ARHGAP44: variants seen among roughly 807,000 people sequenced by gnomAD.
ARHGAP44 encodes the protein rho GTPase-activating protein 44.
Under a neutral mutation model 106.8 loss-of-function variants are expected in ARHGAP44, and 43 were observed. The observed-to-expected ratio is 0.40, with a 90% CI of 0.32 to 0.52. ARHGAP44 has a LOEUF of 0.52. ARHGAP44 is among the 20% of genes least tolerant of loss of function. The pLI is 0.48. For missense variants in ARHGAP44, 866 were observed against 1,050.5 expected, an observed-to-expected ratio of 0.82 and a Z score of 2.43; for synonymous variants, 439 against 410.3, an observed-to-expected ratio of 1.07 and a Z score of -0.85.
At chr17:12,948,321 C>G (rs139857030) in intron 10 of ARHGAP44, among the ~76,000 whole-genome samples, 4 of 152,326 alleles carry the variant, frequency 2.6e-5, no homozygotes, top group African/African-American at 7.2e-5. Flanking sequence ...GAGGCTACCT[C>G]ACAAACCACC....
At chr17:12,920,151 G>A (rs57071648) in intron 6 of ARHGAP44, among the ~76,000 whole-genome samples, 33,171 of 151,780 alleles carry the variant, frequency 0.22, 6,179 homozygotes, top group African/African-American at 0.5. Flanking sequence ...CAAGGCGGGC[G>A]GATCACAAGG....
chr17:12,931,268 C>T (rs899640239), intron 7 of ARHGAP44, among the ~76,000 whole-genome samples: 7 of 151,734 alleles, frequency 4.6e-5, no homozygotes, highest in African/African-American at 9.7e-5. Flanking sequence ...GACAGGGTTT[C>T]GCCGTGTTGG....
At chr17:12,827,518 C>G (rs2034955510) in intron 1 of ARHGAP44, among the ~76,000 whole-genome samples, 1 of 152,062 alleles carries the variant, frequency 6.6e-6, no homozygotes, top group South Asian at 2.1e-4. Context: ...TCCAGTAATG[C>G]CCACATAATA....
rs1411682745 is a variant in ARHGAP44 at position 12,949,085 on chromosome 17, G to A, written c.862-55G>A. 27 of 1,497,338 alleles carry A rather than the reference G, an allele frequency of 1.8e-5. No homozygotes were observed. The highest frequency in any genetic ancestry group is 2.8e-5 in the African/African-American group (2 of 71,998). 92.8% of individuals were successfully genotyped at this position (1,497,338 alleles called of 1,614,324 possible). ...AAGCAGGCAGTTGCGGGGTCTCTGC[G>A]CTTTGATGTTGTACCTTGGAGTTGC... is the stretch of plus-strand genomic sequence containing the variant. On this transcript the variant is annotated intron_variant, in intron 10 of 20. Transcript: ENST00000379672. This position sits in a 1 kb window ranked among gnomAD's most constrained non-coding sequence, Gnocchi z 4.1.
intron 16 of ARHGAP44, among the ~76,000 whole-genome samples, chr17:12,967,209 G>A (rs1194730868): frequency 6.8e-6 from 1 of 147,364 alleles, no homozygotes; most frequent in East Asian, 2.0e-4. Context: ...GTTAAACTTC[G>A]GGGTGTGAAT....
At chr17:12,899,427 A>G (rs2037307782) in intron 3 of ARHGAP44, among the ~76,000 whole-genome samples, 1 of 152,092 alleles carries the variant, frequency 6.6e-6, no homozygotes, top group East Asian at 1.9e-4. Flanking sequence ...TCCAAACTCA[A>G]TTTTTTTCAG....
intron 6 of ARHGAP44, among the ~76,000 whole-genome samples, chr17:12,923,761 C>T (rs1238366248): frequency 1.3e-5 from 2 of 152,120 alleles, no homozygotes; most frequent in Non-Finnish European, 2.9e-5. Flanking sequence ...AGGACCTTGC[C>T]AAAAGCCATA....
chr17:12,982,320 AT>A (rs11317054), intron 19 of ARHGAP44, among the ~76,000 whole-genome samples: 98,307 of 146,116 alleles, frequency 0.67, 32,911 homozygotes, highest in East Asian at 0.86. Flanking sequence ...TTTTTTTTTA[AT>A]TTTTTTTTTT....
intron 1 of ARHGAP44, among the ~76,000 whole-genome samples, chr17:12,846,384 A>C (rs2035571658): frequency 6.6e-6 from 1 of 152,184 alleles, no homozygotes; most frequent in African/African-American, 2.4e-5. Context: ...ACAGCTGTGC[A>C]CGCATCTGTT....
intron 1 of ARHGAP44, among the ~76,000 whole-genome samples, chr17:12,868,958 A>G (rs12951579): frequency 0.19 from 28,722 of 151,806 alleles, 3,225 homozygotes; most frequent in Middle Eastern, 0.3. Flanking sequence ...CCCAACATAT[A>G]TATATATTAA....
chr17:12,858,072 C>T (rs969339533), intron 1 of ARHGAP44, among the ~76,000 whole-genome samples: 4 of 152,114 alleles, frequency 2.6e-5, no homozygotes, highest in Admixed American at 2.0e-4. Flanking sequence ...CATTTACTCG[C>T]AGTTGGAAGG....
intron 1 of ARHGAP44, among the ~76,000 whole-genome samples, chr17:12,850,759 A>G (rs374803090): frequency 1.3e-5 from 2 of 152,160 alleles, no homozygotes; most frequent in African/African-American, 4.8e-5. Flanking sequence ...CTTAACAAGC[A>G]CAGGTATTTT....
intron 1 of ARHGAP44, among the ~76,000 whole-genome samples, chr17:12,847,758 G>A (rs2035615431): frequency 6.6e-6 from 1 of 152,022 alleles, no homozygotes; most frequent in South Asian, 2.1e-4. Context: ...GCCCGCCTCG[G>A]CCTCCCAAAG....
chr17:12,923,022 T>C (rs1413662248), intron 6 of ARHGAP44, among the ~76,000 whole-genome samples: 1 of 152,218 alleles, frequency 6.6e-6, no homozygotes, highest in Non-Finnish European at 1.5e-5. Context: ...CCCACCCCCA[T>C]GCAAATTTCT....
At chr17:12,807,807 C>G (rs1432084433) in intron 1 of ARHGAP44, among the ~76,000 whole-genome samples, 1 of 152,196 alleles carries the variant, frequency 6.6e-6, no homozygotes, top group Non-Finnish European at 1.5e-5. Context: ...CAACAGTCCC[C>G]CAAAGTCTTA....
chr17:12,859,728 G>T (rs1316962601), intron 1 of ARHGAP44, among the ~76,000 whole-genome samples: 4 of 152,220 alleles, frequency 2.6e-5, no homozygotes, highest in African/African-American at 9.7e-5. Context: ...GAAGGAAGAA[G>T]TGTTTTATTA....
intron 18 of ARHGAP44, among the ~76,000 whole-genome samples, chr17:12,974,952 C>T (rs568019100): frequency 1.3e-5 from 2 of 151,282 alleles, no homozygotes; most frequent in South Asian, 2.1e-4. Context: ...CAGGCTCAAG[C>T]GATTCTCCTG....
chr17:12,910,282 CT>C (rs2037686777), intron 4 of ARHGAP44, among the ~76,000 whole-genome samples: 1 of 137,026 alleles, frequency 7.3e-6, no homozygotes, highest in African/African-American at 2.7e-5. Flanking sequence ...TTTTTTTCCT[CT>C]CTCTAAACAT....
chr17:12,854,089 T>G (rs2035836907), intron 1 of ARHGAP44, among the ~76,000 whole-genome samples: 1 of 152,134 alleles, frequency 6.6e-6, no homozygotes, highest in African/African-American at 2.4e-5. Context: ...AGGCTGGATT[T>G]AGAAACAAGT....
Sources: allele counts gnomAD v4.1 joint callset (sites outside exome capture counted in the v4.1 genomes callset), GRCh38; gene constraint gnomAD v4.1.1; non-coding constraint Gnocchi (gnomAD v3.1); transcripts MANE v1.5; gene names NCBI Gene and HGNC (gene_info 2026-07-23, HGNC 2026-07-21).